RUNX1: variants seen among roughly 807,000 people sequenced by gnomAD.
The protein encoded by RUNX1 is RUNX family transcription factor 1.
In RUNX1, 19 loss-of-function variants were observed where a neutral mutation model predicts 42.8. That is an observed-to-expected ratio of 0.44 (90% CI 0.31 to 0.65). The LOEUF (loss-of-function observed/expected upper bound fraction) is 0.65, where lower values mean the gene tolerates loss of function less well. RUNX1 is among the 30% of genes least tolerant of loss of function. The pLI, the probability that RUNX1 is intolerant of heterozygous loss-of-function variation, is 0.07. For missense variants in RUNX1, 528 were observed against 672.0 expected (o/e 0.79, Z 2.37); for synonymous variants, 271 against 289.4 (o/e 0.94, Z 0.64).
chr21:34,949,778 A>G (rs2058593441), intron 2 of RUNX1, among the ~76,000 whole-genome samples: 1 of 152,232 alleles, frequency 6.6e-6, no homozygotes, highest in Non-Finnish European at 1.5e-5. Flanking sequence ...AACGCACAAC[A>G]TATGTTCACT....
At chr21:34,847,045 A>T (rs866303105) in intron 6 of RUNX1, among the ~76,000 whole-genome samples, 1 of 152,218 alleles carries the variant, frequency 6.6e-6, no homozygotes, top group Non-Finnish European at 1.5e-5. Context: ...CAGGGGAAAA[A>T]AGGAATACGG....
chr21:35,006,150 C>T (rs369133188), intron 2 of RUNX1, among the ~76,000 whole-genome samples: 2 of 152,118 alleles, frequency 1.3e-5, no homozygotes, highest in Admixed American at 6.5e-5. Context: ...TAAACTAAAG[C>T]GTTGCATCCA....
At chr21:34,866,997 T>C (rs1378850990) in intron 5 of RUNX1, among the ~76,000 whole-genome samples, 3 of 151,846 alleles carry the variant, frequency 2.0e-5, no homozygotes, top group Admixed American at 6.6e-5. Context: ...ACCGAAGACA[T>C]GCAAAGCATT....
chr21:35,017,762 T>C (rs2059169922), intron 2 of RUNX1, among the ~76,000 whole-genome samples: 2 of 152,162 alleles, frequency 1.3e-5, no homozygotes, highest in African/African-American at 4.8e-5. Flanking sequence ...AGTGGGCTTT[T>C]ATCATAGCCG....
intron 2 of RUNX1, among the ~76,000 whole-genome samples, chr21:34,921,973 T>C (rs1404856717): frequency 1.3e-5 from 2 of 152,224 alleles, no homozygotes; most frequent in African/African-American, 2.4e-5. Flanking sequence ...GACTCAACTA[T>C]GATCAATCCC....
intron 2 of RUNX1, among the ~76,000 whole-genome samples, chr21:34,953,127 CTTTTT>C (rs66463322): frequency 6.9e-6 from 1 of 145,580 alleles, no homozygotes; most frequent in African/African-American, 2.5e-5. Context: ...GTTTTGGGGA[CTTTTT>C]TTTTTTTTAA....
chr21:34,847,917 C>CT lies in RUNX1; in HGVS notation c.613+11556dup, dbSNP rs564440893. ...TATTGTGAGGGCCAAATCTGCCAAG[C>CT]TTTTTTTTTTCTTCTTTTTTTTTAA... is the stretch of plus-strand genomic sequence containing the variant. On this transcript the variant is annotated intron_variant, in intron 6 of 8. Transcript: ENST00000675419. Among the ~76,000 whole-genome samples, 668 of 148,892 alleles carry CT rather than the reference C, an allele frequency of 4.5e-3. 3 individuals carry two copies. The highest frequency in any genetic ancestry group is 7.3e-3 in the Non-Finnish European group (493 of 67,084).
In RUNX1 at chr21:34,815,751, G is replaced by A. The variant is rs568254507; in HGVS notation, c.806-16289C>T. ...AATCATGCACTCTTACTCTGGGGCC[G>A]AGATGTCTTACAAAATGTGGAAAGC... is the stretch of plus-strand genomic sequence containing the variant. On this transcript the variant is annotated intron_variant, in intron 7 of 8. Transcript: ENST00000675419. Among the ~76,000 whole-genome samples, 6 of 152,236 alleles carry A rather than the reference G, an allele frequency of 3.9e-5. No homozygotes were observed. The East Asian group carries it at 1.2e-3, about 29-fold the overall frequency.
intron 2 of RUNX1, among the ~76,000 whole-genome samples, chr21:35,004,520 G>A (rs1040553598): frequency 1.8e-4 from 28 of 152,292 alleles, no homozygotes; most frequent in African/African-American, 6.3e-4. Flanking sequence ...CTAGCTGAGG[G>A]CGTGTCTTGA....
intron 6 of RUNX1, among the ~76,000 whole-genome samples, chr21:34,847,142 T>A (rs1372503283): frequency 6.6e-6 from 1 of 152,154 alleles, no homozygotes; most frequent in African/African-American, 2.4e-5. Flanking sequence ...AATAACAGAG[T>A]TTTAGAAGAA....
intron 2 of RUNX1, among the ~76,000 whole-genome samples, chr21:34,914,109 TC>T (rs1393291554): frequency 6.6e-6 from 1 of 152,194 alleles, no homozygotes; most frequent in Middle Eastern, 3.2e-3. Context: ...AGCCATTCCA[TC>T]AAAACGTGGT....
At chr21:34,949,998 G>C (rs1020587864) in intron 2 of RUNX1, among the ~76,000 whole-genome samples, 1 of 152,216 alleles carries the variant, frequency 6.6e-6, no homozygotes, top group African/African-American at 2.4e-5. Context: ...TAGGATCATA[G>C]AATTTTATAA....
At chr21:34,950,379 T>A (rs1408669481) in intron 2 of RUNX1, among the ~76,000 whole-genome samples, 4 of 152,160 alleles carry the variant, frequency 2.6e-5, no homozygotes, top group Admixed American at 2.6e-4. Flanking sequence ...ATCTAGAGTA[T>A]AATGAACAAA....
In RUNX1 at chr21:34,901,138, C is replaced by T. The variant is rs2146486370; in HGVS notation, c.59-8175G>A. Among the ~76,000 whole-genome samples the T allele has an allele frequency of 6.6e-6, 1 of 152,128 alleles. No homozygotes were observed. The highest frequency in any genetic ancestry group is 2.4e-5 in the African/African-American group (1 of 41,496). On this transcript the variant is annotated intron_variant, in intron 2 of 8. Transcript: ENST00000675419. This position sits in a 1 kb window ranked among gnomAD's most constrained non-coding sequence, Gnocchi z 4.3. ...GTGGGGAGAGGTTCACAACAGAAAC[C>T]ACTGCCCCTACTTGCCTGTGTTGGT...
intron 2 of RUNX1, among the ~76,000 whole-genome samples, chr21:34,965,545 G>C (rs933475076): frequency 6.6e-6 from 1 of 152,066 alleles, no homozygotes; most frequent in Non-Finnish European, 1.5e-5. Context: ...GAGAAAAAAA[G>C]CTTTTCCCAT....
chr21:34,810,482 T>C (rs1187426706), intron 7 of RUNX1, among the ~76,000 whole-genome samples: 1 of 152,134 alleles, frequency 6.6e-6, no homozygotes, highest in Non-Finnish European at 1.5e-5. Flanking sequence ...CCCCAAACAT[T>C]TTCAGGATTT....
At chr21:34,879,762 A>C (rs1001388273) in intron 5 of RUNX1, among the ~76,000 whole-genome samples, 1 of 152,220 alleles carries the variant, frequency 6.6e-6, no homozygotes, top group Non-Finnish European at 1.5e-5. Flanking sequence ...CTTACAATGT[A>C]AAGAAAACAT....
rs2059113341 is a variant in RUNX1 at position 35,009,920 on chromosome 21, C to A, written c.58+38922G>T. 1.3e-5 allele frequency among the ~76,000 whole-genome samples: 2 copies of A among 152,120 alleles called. 1 individual carries two copies. Among genetic ancestry groups the A allele is most frequent in the South Asian group, 4.1e-4 (2 of 4,834 alleles). ...TAAAAGATGAGCAGATGACCATATG[C>A]CACTTGCAAGCATTAAGGTCCTATC... On this transcript the variant is annotated intron_variant, in intron 2 of 8. Transcript: ENST00000675419.
chr21:34,948,431 G>A (rs1351371903), intron 2 of RUNX1, among the ~76,000 whole-genome samples: 3 of 152,134 alleles, frequency 2.0e-5, no homozygotes, highest in Non-Finnish European at 1.5e-5. Flanking sequence ...TAAAAGTTCT[G>A]TATAGGAACA....
Sources: gnomAD v4.1 joint callset for allele counts (sites outside exome capture counted in the v4.1 genomes callset) on GRCh38, gnomAD v4.1.1 for gene constraint, Gnocchi (gnomAD v3.1) non-coding constraint, MANE v1.5 for transcripts, NCBI Gene and HGNC (gene_info 2026-07-23, HGNC 2026-07-21) for gene names.